The following AGBL1 variants were observed in gnomAD, a reference collection of about 807,000 sequenced individuals.
AGBL1 encodes the protein cytosolic carboxypeptidase 4.
Under a neutral mutation model 118.9 loss-of-function variants are expected in AGBL1, and 130 were observed. The ratio of observed to expected loss-of-function variants is 1.09; its 90% CI spans 0.95 to 1.26. The LOEUF (loss-of-function observed/expected upper bound fraction) is 1.26, where lower values mean the gene tolerates loss of function less well. Ranked by LOEUF, AGBL1 falls within the 50% of genes most tolerant of loss-of-function variation. AGBL1 has a pLI of 0.00. For missense variants in AGBL1, 1,584 were observed against 1,298.1 expected, an observed-to-expected ratio of 1.22 and a Z score of -3.38; for synonymous variants, 555 against 478.9, an observed-to-expected ratio of 1.16 and a Z score of -2.08.
intron 23 of AGBL1, among the ~76,000 whole-genome samples, chr15:86,961,455 T>G (rs1294584840): frequency 6.6e-6 from 1 of 151,936 alleles, no homozygotes; most frequent in African/African-American, 2.4e-5. Flanking sequence ...GGGCACCAGA[T>G]TCAAGGGTCT....
intron 22 of AGBL1, among the ~76,000 whole-genome samples, chr15:86,850,565 A>C (rs2141457384): frequency 6.6e-6 from 1 of 152,166 alleles, no homozygotes; most frequent in Non-Finnish European, 1.5e-5. Flanking sequence ...CTGCATCAAA[A>C]CCCATCTTCC....
intron 21 of AGBL1, among the ~76,000 whole-genome samples, chr15:86,600,404 C>G (rs1361444303): frequency 2.6e-5 from 4 of 152,136 alleles, no homozygotes; most frequent in Admixed American, 1.3e-4. Flanking sequence ...TACCAAAATA[C>G]CACTACATCA....
At chr15:86,539,083 C>T (rs2083460894) in intron 19 of AGBL1, among the ~76,000 whole-genome samples, 2 of 107,234 alleles carry the variant, frequency 1.9e-5, no homozygotes, top group African/African-American at 8.3e-5. Flanking sequence ...GATGCATAAT[C>T]CAATCCATAC....
At chr15:86,351,813 G>A (rs1037351495) in intron 17 of AGBL1, among the ~76,000 whole-genome samples, 3 of 152,058 alleles carry the variant, frequency 2.0e-5, no homozygotes, top group African/African-American at 4.8e-5. Flanking sequence ...ACAAGCTGAC[G>A]CCATTTATTT....
chr15:86,656,629 C>T (rs956480276), intron 21 of AGBL1, among the ~76,000 whole-genome samples: 4 of 152,062 alleles, frequency 2.6e-5, no homozygotes, highest in Non-Finnish European at 2.9e-5. Flanking sequence ...CTAATTTGAC[C>T]ACTGATGTTA....
intron 18 of AGBL1, among the ~76,000 whole-genome samples, chr15:86,445,017 G>A (rs912336525): frequency 1.3e-5 from 2 of 152,058 alleles, no homozygotes; most frequent in African/African-American, 4.8e-5. Context: ...ATAAAAAGGT[G>A]GAAACCACGT....
At chr15:86,282,953 CT>C (rs1235013263) in intron 16 of AGBL1, among the ~76,000 whole-genome samples, 3 of 152,140 alleles carry the variant, frequency 2.0e-5, no homozygotes, top group Admixed American at 2.0e-4. Context: ...TTTTGAAACT[CT>C]CAAAATTTTT....
At chr15:86,655,196 A>G (rs530990636) in intron 21 of AGBL1, among the ~76,000 whole-genome samples, 1 of 152,246 alleles carries the variant, frequency 6.6e-6, no homozygotes, top group South Asian at 2.1e-4. Flanking sequence ...GCAAGGAGGG[A>G]CAGGTGTGCA....
intron 18 of AGBL1, among the ~76,000 whole-genome samples, chr15:86,460,599 G>T (rs1467209889): frequency 6.6e-6 from 1 of 152,304 alleles, no homozygotes; most frequent in Non-Finnish European, 1.5e-5. Context: ...CCTGGAGACA[G>T]GGATTCAGAG....
At chr15:86,425,095 G>C (rs2081849798) in intron 18 of AGBL1, among the ~76,000 whole-genome samples, 1 of 152,152 alleles carries the variant, frequency 6.6e-6, no homozygotes. Flanking sequence ...GCACACATAT[G>C]TTTACTGCAG....
At position 86,915,640 on chromosome 15, in the gene AGBL1, T is replaced by TG. The variant is rs1567238455; in HGVS notation, c.*8346_*8347insG. On this transcript the variant is annotated 3_prime_UTR_variant, in exon 23 of 23. Transcript: ENST00000614907. Reference sequence around the variant, plus strand: ...TGGACTTTGCTGTCCCCTCTTCACCTCCCCCCCACCGCCCCACTGCACCAA... The same window carrying TG: ...TGGACTTTGCTGTCCCCTCTTCACCTGCCCCCCCACCGCCCCACTGCACCAA... 6.6e-6 allele frequency: 1 copy of TG among 151,214 alleles called. No homozygotes were observed. The highest frequency in any genetic ancestry group is 2.4e-5 in the African/African-American group (1 of 41,032). The allele number at this position is 151,214 out of a possible 1,614,324, so 9.4% of individuals were successfully genotyped here. A position where few individuals can be genotyped will look rare whatever the true frequency, so the allele number is the denominator to read the frequency against.
intron 22 of AGBL1, among the ~76,000 whole-genome samples, chr15:86,882,204 A>C (rs1399525506): frequency 6.6e-6 from 1 of 152,128 alleles, no homozygotes; most frequent in Non-Finnish European, 1.5e-5. Flanking sequence ...TTTTGAGAAG[A>C]ACTTGCTGTA....
chr15:86,683,498 T>C (rs1221488778), intron 22 of AGBL1, among the ~76,000 whole-genome samples: 5 of 152,140 alleles, frequency 3.3e-5, no homozygotes, highest in Admixed American at 3.3e-4. Context: ...ATAATGCCTA[T>C]TTTACAAGTG....
intron 5 of AGBL1, among the ~76,000 whole-genome samples, chr15:86,176,264 A>G (rs2077480378): frequency 6.6e-6 from 1 of 152,112 alleles, no homozygotes; most frequent in Non-Finnish European, 1.5e-5. Flanking sequence ...AGCATTATTG[A>G]TGTGTAGGTC....
chr15:86,553,627 T>C (rs1353165039), intron 20 of AGBL1, among the ~76,000 whole-genome samples: 1 of 152,164 alleles, frequency 6.6e-6, no homozygotes, highest in African/African-American at 2.4e-5. Context: ...AAGTGAACAG[T>C]CCCTAGTCTG....
At chr15:86,848,817 C>G (rs191474341) in intron 22 of AGBL1, among the ~76,000 whole-genome samples, 319 of 152,158 alleles carry the variant, frequency 2.1e-3, no homozygotes, top group Non-Finnish European at 4.1e-3. Context: ...TTTATGGTAG[C>G]AATATACATA....
At position 86,397,560 on chromosome 15, in the gene AGBL1, C is replaced by T. The variant is rs187684248; in HGVS notation, c.2555+14C>T. ...CATCAACGGCAAGTATGTCAGGCAC[C>T]TGGCTCAGCCAAACCCACAATTATG... On this transcript the variant is annotated intron_variant, in intron 18 of 22. Transcript: ENST00000614907. 15 of 1,591,286 alleles carry T rather than the reference C, an allele frequency of 9.4e-6. No individual in the cohort carries two copies. The African/African-American group carries it at 1.9e-4, about 20-fold the overall frequency.
intron 16 of AGBL1, among the ~76,000 whole-genome samples, chr15:86,283,670 A>G (rs1245503503): frequency 1.3e-5 from 2 of 152,212 alleles, no homozygotes; most frequent in Non-Finnish European, 2.9e-5. Flanking sequence ...TGAGCAGGCC[A>G]TAAATCAGCA....
chr15:86,135,494 T>G (rs1156847702), intron 1 of AGBL1, among the ~76,000 whole-genome samples: 1 of 152,216 alleles, frequency 6.6e-6, no homozygotes, highest in Non-Finnish European at 1.5e-5. Flanking sequence ...GCTGTGCACC[T>G]TGTAAACTTC....
Sources: gnomAD v4.1 joint callset for allele counts (sites outside exome capture counted in the v4.1 genomes callset) on GRCh38, gnomAD v4.1.1 for gene constraint, MANE v1.5 for transcripts, NCBI Gene and HGNC (gene_info 2026-07-23, HGNC 2026-07-21) for gene names.